ANKRD33B: variants seen among roughly 807,000 people sequenced by gnomAD.
The protein encoded by ANKRD33B is ankyrin repeat domain 33B.
ANKRD33B carries 6 observed loss-of-function variants against 21.5 expected under a neutral mutation model. The observed-to-expected ratio is 0.28, with a 90% CI of 0.15 to 0.55. The LOEUF is 0.55. Ranked by LOEUF, ANKRD33B falls within the 20% of genes least tolerant of loss-of-function variation. The pLI, the probability that ANKRD33B is intolerant of heterozygous loss-of-function variation, is 0.94. For missense variants in ANKRD33B, 698 were observed against 747.2 expected, an observed-to-expected ratio of 0.93 and a Z score of 0.77; for synonymous variants, 347 against 342.4, an observed-to-expected ratio of 1.01 and a Z score of -0.15.
At position 10,647,839 on chromosome 5, in the gene ANKRD33B, C is replaced by A. The variant is rs187434002; in HGVS notation, c.638-1427C>A. The stretch of plus-strand genomic sequence containing the variant: ...TGCCCTCAACTAATTGGGCGAGGCC[C>A]ACCCGCATTATGAAGGGTAATCTCC... On this transcript the variant is annotated intron_variant, in intron 3 of 3. Coordinates refer to ENST00000296657, the MANE Select transcript of ANKRD33B (RefSeq NM_001164440.2). Among the ~76,000 whole-genome samples the A allele has an allele frequency of 4.5e-3, 680 of 152,338 alleles. 5 individuals are homozygous for A. Among genetic ancestry groups the A allele is most frequent in the African/African-American group, 0.015 (642 of 41,576 alleles).
At chr5:10,603,412 A>G (rs1046763661) in intron 1 of ANKRD33B, among the ~76,000 whole-genome samples, 6 of 151,300 alleles carry the variant, frequency 4.0e-5, no homozygotes, top group African/African-American at 1.2e-4. Flanking sequence ...ATAGGTGTGC[A>G]CCACCATGCC....
chr5:10,618,154 T>C (rs1169935307), intron 1 of ANKRD33B, among the ~76,000 whole-genome samples, 179 bp from the exon 2 acceptor site: 1 of 152,220 alleles, frequency 6.6e-6, no homozygotes, highest in Non-Finnish European at 1.5e-5. Flanking sequence ...TCAACACACA[T>C]TTGAGAAGGA....
chr5:10,586,563 A>G (rs1735567207), intron 1 of ANKRD33B, among the ~76,000 whole-genome samples: 1 of 150,842 alleles, frequency 6.6e-6, no homozygotes, highest in East Asian at 1.9e-4. Context: ...TATTTTCCAT[A>G]CAGTTTATAA....
rs1276067894 is a variant in ANKRD33B at position 10,635,643 on chromosome 5, C to T, written c.497-2385C>T. Among the ~76,000 whole-genome samples, 3 of 152,212 alleles carry T rather than the reference C, an allele frequency of 2.0e-5. No individual in the cohort carries two copies. The East Asian group carries it at 5.8e-4, about 29-fold the overall frequency. On this transcript the variant is annotated intron_variant, in intron 2 of 3. Transcript: ENST00000296657. The stretch of plus-strand genomic sequence containing the variant: ...GGCTGAGGTCAATGGCGAGCTTGCT[C>T]CTCAGGAGAGTTCACCCCTGATTTT...
chr5:10,651,991 CTG>C lies in ANKRD33B; in HGVS notation c.*1881_*1882del, dbSNP rs1737367845. 1 of 152,394 alleles carries C rather than the reference CTG, an allele frequency of 6.6e-6. No homozygotes were observed. Among genetic ancestry groups the C allele is most frequent in the Non-Finnish European group, 1.5e-5 (1 of 68,066 alleles). 9.4% of individuals were successfully genotyped at this position (152,394 alleles called of 1,614,324 possible). ...TTTGAGAACTGCAGATATTAGTTGA[CTG>C]TGGGTCACCCTCGTGGCCAAGGAGT... On this transcript the variant is annotated 3_prime_UTR_variant, in exon 4 of 4. Coordinates refer to ENST00000296657, the MANE Select transcript of ANKRD33B (RefSeq NM_001164440.2).
chr5:10,629,702 TAAG>T (rs1444308118), intron 2 of ANKRD33B, among the ~76,000 whole-genome samples: 1 of 151,698 alleles, frequency 6.6e-6, no homozygotes, highest in Non-Finnish European at 1.5e-5. Flanking sequence ...GTGTATGAGA[TAAG>T]GAGGGGGCTT....
At chr5:10,580,790 C>G (rs1016339051) in intron 1 of ANKRD33B, among the ~76,000 whole-genome samples, 3 of 152,112 alleles carry the variant, frequency 2.0e-5, no homozygotes, top group African/African-American at 7.2e-5. Flanking sequence ...GCCCCTGGAC[C>G]AGGTCTTTTC....
chr5:10,626,182 C>T (rs1736540995), intron 2 of ANKRD33B, among the ~76,000 whole-genome samples: 1 of 152,242 alleles, frequency 6.6e-6, no homozygotes, highest in African/African-American at 2.4e-5. Flanking sequence ...AACCCAGAAA[C>T]CTCATTGGGG....
intron 2 of ANKRD33B, among the ~76,000 whole-genome samples, chr5:10,624,130 C>CTTTTTTTTTTTTTTTTTT (rs60575071): frequency 7.4e-6 from 1 of 134,314 alleles, no homozygotes; most frequent in Non-Finnish European, 1.6e-5. Flanking sequence ...TCTTTCTTTT[C>CTTTTTTTTTTTTTTTTTT]TTTTTTTTTT....
intron 1 of ANKRD33B, among the ~76,000 whole-genome samples, chr5:10,616,527 G>A (rs1736287751): frequency 7.2e-6 from 1 of 139,006 alleles, no homozygotes; most frequent in Non-Finnish European, 1.5e-5. Context: ...TCGCACCATT[G>A]CACTCTAGCC....
chr5:10,601,434 T>C (rs976534501), intron 1 of ANKRD33B, among the ~76,000 whole-genome samples: 9 of 152,154 alleles, frequency 5.9e-5, no homozygotes, highest in African/African-American at 1.9e-4. Flanking sequence ...CTCCCACCAT[T>C]GCTTGGCTAA....
At chr5:10,601,040 G>A (rs779608402) in intron 1 of ANKRD33B, among the ~76,000 whole-genome samples, 8 of 152,014 alleles carry the variant, frequency 5.3e-5, no homozygotes, top group Non-Finnish European at 8.8e-5. Flanking sequence ...GGAAGCCACC[G>A]CCCTGACAGC....
At chr5:10,630,671 T>C (rs1197423368) in intron 2 of ANKRD33B, among the ~76,000 whole-genome samples, 1 of 152,058 alleles carries the variant, frequency 6.6e-6, no homozygotes, top group Non-Finnish European at 1.5e-5. Flanking sequence ...AATTTTCCAT[T>C]TTTCTGCTTA....
chr5:10,579,792 G>A (rs945788591), intron 1 of ANKRD33B, among the ~76,000 whole-genome samples: 2 of 152,018 alleles, frequency 1.3e-5, no homozygotes, highest in Non-Finnish European at 2.9e-5. Flanking sequence ...CAATTTGAAA[G>A]TGAAGAAAAA....
chr5:10,582,925 A>G (rs1011452983), intron 1 of ANKRD33B, among the ~76,000 whole-genome samples: 5 of 151,440 alleles, frequency 3.3e-5, no homozygotes, highest in Middle Eastern at 3.5e-3. Context: ...GCTCAACCTC[A>G]TTCAGTTTCT....
intron 2 of ANKRD33B, among the ~76,000 whole-genome samples, chr5:10,634,971 T>C (rs1051577294): frequency 1.1e-4 from 16 of 151,686 alleles, no homozygotes; most frequent in Middle Eastern, 3.4e-3. Context: ...TATTCTGCCA[T>C]CCTGGGAAAA....
rs1735337395 is a variant in ANKRD33B at position 10,577,039 on chromosome 5, G to T, written c.366+12206G>T. Among the ~76,000 whole-genome samples, 3 of 152,116 alleles carry T rather than the reference G, an allele frequency of 2.0e-5. No individual in the cohort carries two copies. The South Asian group carries it at 6.2e-4, about 32-fold the overall frequency. On this transcript the variant is annotated intron_variant, in intron 1 of 3. Coordinates refer to ENST00000296657, the MANE Select transcript of ANKRD33B (RefSeq NM_001164440.2). ...GAAGGGGGAGGAAGCTGGTGCCGGG[G>T]ATGGTCACAAGCCTTTCCTCTTTCT...
At chr5:10,636,788 C>G (rs1046166021) in intron 2 of ANKRD33B, among the ~76,000 whole-genome samples, 3 of 152,214 alleles carry the variant, frequency 2.0e-5, no homozygotes, top group Non-Finnish European at 4.4e-5. Context: ...AGGAAGGAAG[C>G]TCTTTCCACC....
chr5:10,583,655 G>T (rs1164799542), intron 1 of ANKRD33B, among the ~76,000 whole-genome samples: 1 of 152,190 alleles, frequency 6.6e-6, no homozygotes, highest in Non-Finnish European at 1.5e-5. Flanking sequence ...TATTTGGCAC[G>T]CCTCGCTGCT....
Sources: allele counts gnomAD v4.1 joint callset (sites outside exome capture counted in the v4.1 genomes callset), GRCh38; gene constraint gnomAD v4.1.1; transcripts MANE v1.5; gene names NCBI Gene and HGNC (gene_info 2026-07-23, HGNC 2026-07-21).